The following GRM7 variants were observed in gnomAD, a reference collection of about 807,000 sequenced individuals.
GRM7 encodes glutamate metabotropic receptor 7, also known as metabotropic glutamate receptor 7.
In GRM7, 35 loss-of-function variants were observed where a neutral mutation model predicts 84.5. The observed-to-expected ratio is 0.41, with a 90% CI of 0.32 to 0.55. GRM7 has a LOEUF of 0.55. Among genes scored for constraint, GRM7 ranks in the 20% least tolerant of loss-of-function variants. The pLI is 0.19. For missense variants in GRM7, 1,003 were observed against 1,194.6 expected, an observed-to-expected ratio of 0.84 and a Z score of 2.36; for synonymous variants, 487 against 455.1, an observed-to-expected ratio of 1.07 and a Z score of -0.89.
intron 1 of GRM7, among the ~76,000 whole-genome samples, chr3:6,913,858 C>G (rs1696855632): frequency 6.6e-6 from 1 of 152,152 alleles, no homozygotes; most frequent in Non-Finnish European, 1.5e-5. Flanking sequence ...GACCAACAAT[C>G]TGTGACCTTG....
intron 1 of GRM7, among the ~76,000 whole-genome samples, chr3:7,105,740 T>A (rs1045969153): frequency 1.3e-5 from 2 of 151,842 alleles, no homozygotes; most frequent in Non-Finnish European, 2.9e-5. Context: ...ATTATTAATA[T>A]ATAGTTATGT....
intron 2 of GRM7, among the ~76,000 whole-genome samples, chr3:7,165,038 A>C (rs1381670330): frequency 6.6e-6 from 1 of 152,238 alleles, no homozygotes; most frequent in Non-Finnish European, 1.5e-5. Context: ...ATGAAGAGAG[A>C]AGAATGCTAT....
intron 1 of GRM7, among the ~76,000 whole-genome samples, chr3:7,020,804 C>T (rs1337142505): frequency 1.3e-5 from 2 of 152,120 alleles, no homozygotes; most frequent in Non-Finnish European, 2.9e-5. Flanking sequence ...CCTCTACTTA[C>T]TGGGCAATTC....
At chr3:6,905,155 G>T (rs1204898679) in intron 1 of GRM7, among the ~76,000 whole-genome samples, 1 of 152,124 alleles carries the variant, frequency 6.6e-6, no homozygotes, top group African/African-American at 2.4e-5. Flanking sequence ...CTTAAAAAAA[G>T]GTTGGATTTG....
chr3:6,861,649 C>T lies in GRM7; in HGVS notation c.261C>T (p.Asp87=), dbSNP rs781732390. The T allele has an allele frequency of 8.1e-6, 13 of 1,613,774 alleles. No homozygotes were observed. The African/African-American group carries it at 1.2e-4, about 15-fold the overall frequency. The stretch of plus-strand genomic sequence containing the variant: ...TGGAAGCGATGCTCTACGCCCTGGA[C>T]CAGATCAACAGTGATCCCAACCTAC... ...HRLEAMLYAL[D]QINSDPNLLP... is the part of the protein sequence containing the mutation. Residue 87 remains aspartate, a synonymous_variant, in exon 1 of 10, where the codon GAC becomes GAT. Coordinates refer to ENST00000357716, the MANE Select transcript of GRM7 (RefSeq NM_000844.4). This position sits in a 1 kb window ranked among gnomAD's most constrained non-coding sequence, Gnocchi z 6.4.
At chr3:7,236,602 T>C (rs1019397699) in intron 2 of GRM7, among the ~76,000 whole-genome samples, 1 of 152,186 alleles carries the variant, frequency 6.6e-6, no homozygotes, top group African/African-American at 2.4e-5. Flanking sequence ...GATCTTGCCC[T>C]CTTTTATTTT....
At chr3:6,918,085 C>T (rs1697004306) in intron 1 of GRM7, among the ~76,000 whole-genome samples, 2 of 152,102 alleles carry the variant, frequency 1.3e-5, no homozygotes, top group South Asian at 4.1e-4. Context: ...AAGCTTTGTA[C>T]TTTCCAAAGT....
At chr3:7,707,477 G>A (rs370284256) in intron 9 of GRM7, among the ~76,000 whole-genome samples, 2 of 152,038 alleles carry the variant, frequency 1.3e-5, no homozygotes, top group Admixed American at 6.6e-5. Flanking sequence ...AATTACAATC[G>A]GGCAGTTTCC....
At chr3:7,586,565 C>A (rs962952050) in intron 8 of GRM7, among the ~76,000 whole-genome samples, 1 of 152,100 alleles carries the variant, frequency 6.6e-6, no homozygotes, top group Non-Finnish European at 1.5e-5. Context: ...TCCAGCACTT[C>A]GGGAGGCTGA....
chr3:6,872,254 G>A (rs1039675373), intron 1 of GRM7, among the ~76,000 whole-genome samples: 2 of 152,136 alleles, frequency 1.3e-5, no homozygotes, highest in Non-Finnish European at 1.5e-5. Context: ...GTTTCATTGA[G>A]AAGATTATCA....
intron 4 of GRM7, among the ~76,000 whole-genome samples, chr3:7,393,159 C>T (rs752952021): frequency 1.1e-4 from 17 of 152,154 alleles, no homozygotes; most frequent in East Asian, 3.9e-4. Flanking sequence ...CTCCCAGGAA[C>T]GCATGGCCAT....
chr3:6,940,165 C>A (rs1166921910), intron 1 of GRM7, among the ~76,000 whole-genome samples: 1 of 152,104 alleles, frequency 6.6e-6, no homozygotes, highest in Non-Finnish European at 1.5e-5. Context: ...AATCGTGGCT[C>A]ACTGCAGACT....
chr3:7,447,022 T>A (rs928579797), intron 5 of GRM7, among the ~76,000 whole-genome samples: 1 of 149,294 alleles, frequency 6.7e-6, no homozygotes, highest in Non-Finnish European at 1.5e-5. Context: ...GTTAAAAGAG[T>A]GTGCCTTTTA....
chr3:7,271,603 G>A (rs1452884961), intron 2 of GRM7, among the ~76,000 whole-genome samples: 4 of 148,368 alleles, frequency 2.7e-5, no homozygotes, highest in African/African-American at 9.9e-5. Flanking sequence ...AGAATCTCAG[G>A]CCCTACTCCA....
chr3:7,354,796 T>C (rs1166359139), intron 4 of GRM7, among the ~76,000 whole-genome samples: 1 of 152,226 alleles, frequency 6.6e-6, no homozygotes, highest in Admixed American at 6.5e-5. Flanking sequence ...GTACCTGGTA[T>C]GTAACTATTG....
At chr3:7,130,231 A>G (rs373976288) in intron 1 of GRM7, among the ~76,000 whole-genome samples, 1 of 152,086 alleles carries the variant, frequency 6.6e-6, no homozygotes, top group South Asian at 2.1e-4. Context: ...TCCAGTCGAG[A>G]TTTACCTTTA....
At chr3:7,734,945 T>C (rs1222963296) in intron 9 of GRM7, among the ~76,000 whole-genome samples, 1 of 152,218 alleles carries the variant, frequency 6.6e-6, no homozygotes, top group Non-Finnish European at 1.5e-5. Flanking sequence ...AATTGAGATG[T>C]TGAAGAGAAC....
rs367879555 is a variant in GRM7, at chr3:7,557,705, G to T, written c.1516-20717G>T. Among the ~76,000 whole-genome samples the T allele has an allele frequency of 1.2e-4, 19 of 152,058 alleles. 2 individuals carry two copies. Among genetic ancestry groups the T allele is most frequent in the Admixed American group, 5.2e-4 (8 of 15,268 alleles). ...CTTGTATAAAACAAAAACCTACCTG[G>T]CAATTGTAAAAAACTTAAACTCATT... is the stretch of plus-strand genomic sequence containing the variant. On this transcript the variant is annotated intron_variant, in intron 7 of 9. Transcript: ENST00000357716.
At chr3:7,691,198 C>T (rs1700788379) in intron 9 of GRM7, 1 of 978,410 alleles carries the variant, frequency 1.0e-6, no homozygotes, top group Non-Finnish European at 1.4e-6. Flanking sequence ...ATATCTCTGC[C>T]CTTTTTCATA....
Sources: gnomAD v4.1 joint callset for allele counts (sites outside exome capture counted in the v4.1 genomes callset) on GRCh38, gnomAD v4.1.1 for gene constraint, Gnocchi (gnomAD v3.1) non-coding constraint, MANE v1.5 for transcripts, NCBI Gene and HGNC (gene_info 2026-07-23, HGNC 2026-07-21) for gene names.